TWSG1: variants seen among roughly 807,000 people sequenced by gnomAD.
TWSG1 encodes the protein twisted gastrulation protein homolog 1.
In TWSG1, 15 loss-of-function variants were observed where a neutral mutation model predicts 23.0. That is an observed-to-expected ratio of 0.65 (90% confidence interval 0.44 to 1.00). The LOEUF is 1.00. Ranked by LOEUF, TWSG1 falls within the 50% of genes least tolerant of loss-of-function variation. TWSG1 has a pLI of 0.00. For missense variants in TWSG1, 242 were observed against 278.7 expected (o/e 0.87, Z 0.94); for synonymous variants, 86 against 92.8 (o/e 0.93, Z 0.42).
chr18:9,389,234 C>G lies in TWSG1; in HGVS notation c.224-7046C>G, dbSNP rs111533985. ...CAGGTGATGTGCCCGCCTCAGCCTCCCAAAGTGCTGAGATTACAGGTGTGA... is the reference window on the plus strand; with the variant it reads ...CAGGTGATGTGCCCGCCTCAGCCTCGCAAAGTGCTGAGATTACAGGTGTGA... On this transcript the variant is annotated intron_variant, in intron 3 of 4. Coordinates refer to ENST00000262120, the MANE Select transcript of TWSG1 (RefSeq NM_020648.6). Among the ~76,000 whole-genome samples the G allele has an allele frequency of 4.3e-3, 661 of 152,236 alleles. 3 individuals carry two copies. The highest frequency in any genetic ancestry group is 0.015 in the African/African-American group (606 of 41,554).
At chr18:9,368,499 C>G (rs540557212) in intron 3 of TWSG1, among the ~76,000 whole-genome samples, 3 of 152,046 alleles carry the variant, frequency 2.0e-5, no homozygotes, top group Non-Finnish European at 4.4e-5. Context: ...TCACACCTGG[C>G]CATTATTGTG....
chr18:9,385,584 G>A (rs548546591), intron 3 of TWSG1, among the ~76,000 whole-genome samples: 2 of 93,636 alleles, frequency 2.1e-5, no homozygotes, highest in East Asian at 4.8e-4. Context: ...AGCTACTCGG[G>A]AGGCTGAGGC....
chr18:9,359,988 G>T lies in TWSG1; in HGVS notation c.140G>T (p.Arg47Leu), dbSNP rs778145177. The stretch of plus-strand genomic sequence containing the variant: ...TGTTTCTAGGAGCTCTGCCAGTGCC[G>T]GCCGGGAGAAGGCAATTGCTCCTGC... ...KCLIQELCQC[R>L]PGEGNCSCCK... is the part of the protein sequence containing the mutation. Residue 47 changes from arginine to leucine, a missense_variant, in exon 3 of 5, where the codon CGG (arginine) becomes CTG (leucine). Physicochemically the swap from Arg to Leu is moderately radical, Grantham distance 102. Transcript: ENST00000262120. The T allele has an allele frequency of 9.3e-6, 15 of 1,613,036 alleles. No homozygotes were observed. The Admixed American group carries it at 2.2e-4, about 23-fold the overall frequency.
chr18:9,391,511 A>G (rs1439291972), intron 3 of TWSG1, among the ~76,000 whole-genome samples: 2 of 152,216 alleles, frequency 1.3e-5, no homozygotes, highest in Non-Finnish European at 2.9e-5. Context: ...ATAACCTTAC[A>G]AGATATATTT....
intron 2 of TWSG1, among the ~76,000 whole-genome samples, chr18:9,337,636 G>A (rs2040428826): frequency 6.6e-6 from 1 of 152,122 alleles, no homozygotes; most frequent in Non-Finnish European, 1.5e-5. Flanking sequence ...GATTTAATCT[G>A]TGTAATCTAA....
At chr18:9,357,554 G>A (rs1458397284) in intron 2 of TWSG1, among the ~76,000 whole-genome samples, 2 of 152,152 alleles carry the variant, frequency 1.3e-5, no homozygotes, top group Non-Finnish European at 2.9e-5. Flanking sequence ...TGAAAGCACG[G>A]TATTGAGGTA....
At chr18:9,370,371 C>T (rs1023026136) in intron 3 of TWSG1, among the ~76,000 whole-genome samples, 1 of 151,962 alleles carries the variant, frequency 6.6e-6, no homozygotes, top group East Asian at 1.9e-4. Context: ...CTGTATTTTC[C>T]TCTACCTAGT....
rs11379317 is a variant in TWSG1 at position 9,371,772 on chromosome 18, C to CTT, written c.223+11717_223+11718dup. Among the ~76,000 whole-genome samples, 508 of 134,730 alleles carry CTT rather than the reference C, an allele frequency of 3.8e-3. 11 individuals carry two copies. Among genetic ancestry groups the CTT allele is most frequent in the African/African-American group, 8.0e-3 (290 of 36,092 alleles). The allele number at this position is 134,730 out of a possible 152,430, so 88.4% of individuals were successfully genotyped here. A position where few individuals can be genotyped will look rare whatever the true frequency, so the allele number is the denominator to read the frequency against. The stretch of plus-strand genomic sequence containing the variant: ...GAAGATAAAGTGAAACATTTTTATT[C>CTT]TTTTTTTTTTTTTTTTTGAGACAGA... On this transcript the variant is annotated intron_variant, in intron 3 of 4. Transcript: ENST00000262120.
Position 9,361,474 on chromosome 18 carries a change from G to A in TWSG1, c.223+1403G>A, listed in dbSNP as rs146573783. Among the ~76,000 whole-genome samples, 474 of 152,308 alleles carry A rather than the reference G, an allele frequency of 3.1e-3. 4 individuals are homozygous for A. The highest frequency in any genetic ancestry group is 5.9e-3 in the Admixed American group (90 of 15,308). On this transcript the variant is annotated intron_variant, in intron 3 of 4. Transcript: ENST00000262120. ...AGTACTTAATCCATGGACAGGGCATGGAATGTAGTTTGCCTCACGAAAAGG... is the reference window on the plus strand; with the variant it reads ...AGTACTTAATCCATGGACAGGGCATAGAATGTAGTTTGCCTCACGAAAAGG...
rs1350173588 is a variant in TWSG1 at position 9,401,705 on chromosome 18, G to C, written c.*2178G>C. On this transcript the variant is annotated 3_prime_UTR_variant, in exon 5 of 5. Transcript: ENST00000262120. Reference sequence around the variant, plus strand: ...ATTTCCAGTTTTATAATGTATTTCAGGTTCTGAATAACAATATTTTTCCAA... The same window carrying C: ...ATTTCCAGTTTTATAATGTATTTCACGTTCTGAATAACAATATTTTTCCAA... The C allele has an allele frequency of 1.3e-5, 2 of 152,042 alleles. No homozygotes were observed. The highest frequency in any genetic ancestry group is 2.9e-5 in the Non-Finnish European group (2 of 67,990). 9.4% of individuals were successfully genotyped at this position (152,042 alleles called of 1,614,324 possible).
chr18:9,339,561 A>G (rs780950503), intron 2 of TWSG1, among the ~76,000 whole-genome samples: 30 of 152,230 alleles, frequency 2.0e-4, no homozygotes, highest in South Asian at 2.1e-4. Context: ...AGCTCAAGCA[A>G]TCTGCCACCT....
chr18:9,337,469 G>A (rs2040428323), intron 2 of TWSG1, 117 bp downstream of exon 2: 1 of 1,093,150 alleles, frequency 9.1e-7, no homozygotes, highest in East Asian at 2.6e-5. Flanking sequence ...TATTGGGTCA[G>A]GGCCTGAGGT....
intron 3 of TWSG1, among the ~76,000 whole-genome samples, chr18:9,378,513 C>G (rs1486231850): frequency 1.3e-5 from 2 of 152,196 alleles, no homozygotes; most frequent in Non-Finnish European, 1.5e-5. Context: ...CAATCCCATT[C>G]ACAGTTGTCA....
chr18:9,391,122 A>C lies in TWSG1; in HGVS notation c.224-5158A>C, dbSNP rs1389847839. Among the ~76,000 whole-genome samples the C allele has an allele frequency of 2.0e-5, 3 of 152,256 alleles. No individual in the cohort carries two copies. The East Asian group carries it at 5.8e-4, about 29-fold the overall frequency. On this transcript the variant is annotated intron_variant, in intron 3 of 4. Transcript: ENST00000262120. ...TTGTGGTCATTTCAACAATGTTTATAGCATTTTCAGTAGGAGTAGATTCCA... is the reference window on the plus strand; with the variant it reads ...TTGTGGTCATTTCAACAATGTTTATCGCATTTTCAGTAGGAGTAGATTCCA...
At chr18:9,368,876 A>G (rs1333261136) in intron 3 of TWSG1, among the ~76,000 whole-genome samples, 1 of 151,928 alleles carries the variant, frequency 6.6e-6, no homozygotes, top group East Asian at 1.9e-4. Context: ...TGAGCCTGGG[A>G]GGTGAAGTTT....
chr18:9,337,691 T>C (rs554013535), intron 2 of TWSG1, among the ~76,000 whole-genome samples: 1 of 152,340 alleles, frequency 6.6e-6, no homozygotes, highest in East Asian at 1.9e-4. Flanking sequence ...GAAAAAAAAT[T>C]AGCTGGTCAA....
At chr18:9,382,650 T>C (rs543932135) in intron 3 of TWSG1, among the ~76,000 whole-genome samples, 6 of 151,510 alleles carry the variant, frequency 4.0e-5, no homozygotes, top group African/African-American at 1.2e-4. Flanking sequence ...CTACTAAAAA[T>C]AAAAAAATTA....
chr18:9,359,287 C>G (rs1598825253), intron 2 of TWSG1, among the ~76,000 whole-genome samples: 1 of 152,104 alleles, frequency 6.6e-6, no homozygotes, highest in East Asian at 1.9e-4. Context: ...GGGCAAAGTT[C>G]TAAGAGAAAG....
chr18:9,344,015 C>G (rs1486202370), intron 2 of TWSG1, among the ~76,000 whole-genome samples: 1 of 152,156 alleles, frequency 6.6e-6, no homozygotes, highest in Non-Finnish European at 1.5e-5. Context: ...ATCCTCTCAC[C>G]TTGGCCTCCC....
Sources: gnomAD v4.1 joint callset for allele counts (sites outside exome capture counted in the v4.1 genomes callset) on GRCh38, gnomAD v4.1.1 for gene constraint, MANE v1.5 for transcripts, NCBI Gene and HGNC (gene_info 2026-07-23, HGNC 2026-07-21) for gene names.